Variants in KCNH8 observed in about 807,000 individuals in gnomAD.
The protein encoded by KCNH8 is voltage-gated delayed rectifier potassium channel KCNH8.
A neutral mutation model predicts 103.6 loss-of-function variants in KCNH8; 70 were observed. That is an observed-to-expected ratio of 0.68 (90% CI 0.56 to 0.82). KCNH8 has a LOEUF of 0.82. Among genes scored for constraint, KCNH8 ranks in the 40% least tolerant of loss-of-function variants. KCNH8 has a pLI of 0.00. For missense variants in KCNH8, 1,217 were observed against 1,329.9 expected (o/e 0.92, Z 1.32); for synonymous variants, 498 against 489.4 (o/e 1.02, Z -0.23).
intron 8 of KCNH8, among the ~76,000 whole-genome samples, chr3:19,440,448 T>C (rs773257031): frequency 3.3e-5 from 5 of 152,120 alleles, no homozygotes; most frequent in African/African-American, 4.8e-5. Context: ...CTCACAATAG[T>C]GGTGGAAGAC....
At chr3:19,502,925 A>G (rs2068617584) in intron 11 of KCNH8, among the ~76,000 whole-genome samples, 1 of 152,112 alleles carries the variant, frequency 6.6e-6, no homozygotes, top group Admixed American at 6.5e-5. Context: ...GAATTGACAA[A>G]TGGGATCTAA....
intron 3 of KCNH8, among the ~76,000 whole-genome samples, chr3:19,329,073 A>T (rs2065469448): frequency 6.6e-6 from 1 of 152,178 alleles, no homozygotes; most frequent in Admixed American, 6.6e-5. Flanking sequence ...CAAAAGCAGA[A>T]GTCAGATAAC....
intron 8 of KCNH8, among the ~76,000 whole-genome samples, chr3:19,440,012 GAA>G (rs938222458): frequency 2.6e-5 from 4 of 151,864 alleles, no homozygotes; most frequent in Non-Finnish European, 5.9e-5. Flanking sequence ...AAGAAAGAAA[GAA>G]AAAGAGTGAG....
chr3:19,521,588 T>TG (rs1373576252), intron 15 of KCNH8, among the ~76,000 whole-genome samples: 1 of 151,958 alleles, frequency 6.6e-6, no homozygotes, highest in African/African-American at 2.4e-5. Context: ...AGAGGATCAA[T>TG]GTTTTTAGAA....
Position 19,170,653 on chromosome 3 carries a change from CATATATACACACAT to C in KCNH8, c.76+21872_76+21885del, listed in dbSNP as rs1196906740. Among the ~76,000 whole-genome samples the C allele has an allele frequency of 2.1e-3, 288 of 137,972 alleles. 2 individuals carry two copies. Among genetic ancestry groups the C allele is most frequent in the Non-Finnish European group, 1.3e-3 (85 of 66,488 alleles). The allele number at this position is 137,972 out of a possible 152,430, so 90.5% of individuals were successfully genotyped here. On this transcript the variant is annotated intron_variant, in intron 1 of 15. Coordinates refer to ENST00000328405, the MANE Select transcript of KCNH8 (RefSeq NM_144633.3). ...ATATACACACATATATATACACACA[CATATATACACACAT>C]ATATATACACACACACATATATACA...
intron 11 of KCNH8, among the ~76,000 whole-genome samples, chr3:19,492,777 T>C (rs2068350781): frequency 6.6e-6 from 1 of 151,936 alleles, no homozygotes; most frequent in African/African-American, 2.4e-5. Flanking sequence ...TTGGCCAGCA[T>C]GGTCATTTTC....
At chr3:19,491,611 CTA>C (rs1364408022) in intron 11 of KCNH8, among the ~76,000 whole-genome samples, 2 of 152,204 alleles carry the variant, frequency 1.3e-5, no homozygotes, top group Non-Finnish European at 2.9e-5. Context: ...TATGCTGATT[CTA>C]TGTCTTTGCT....
intron 5 of KCNH8, among the ~76,000 whole-genome samples, chr3:19,388,789 A>C (rs536618391): frequency 2.1e-4 from 32 of 152,172 alleles, no homozygotes; most frequent in Admixed American, 1.3e-4. Flanking sequence ...CCTGAACTGG[A>C]ATTCAGGAGA....
At chr3:19,346,402 A>G (rs1319556497) in intron 4 of KCNH8, among the ~76,000 whole-genome samples, 3 of 152,086 alleles carry the variant, frequency 2.0e-5, no homozygotes, top group Non-Finnish European at 4.4e-5. Context: ...GCAGTGGCAA[A>G]TGGGCATTTA....
At chr3:19,486,853 G>T (rs996880362) in intron 11 of KCNH8, among the ~76,000 whole-genome samples, 2 of 152,298 alleles carry the variant, frequency 1.3e-5, no homozygotes, top group East Asian at 3.9e-4. Flanking sequence ...GGCTGCAGAT[G>T]ACCTGCTTTC....
intron 5 of KCNH8, among the ~76,000 whole-genome samples, chr3:19,351,350 G>A (rs2065799253): frequency 6.6e-6 from 1 of 152,040 alleles, no homozygotes; most frequent in Admixed American, 6.6e-5. Flanking sequence ...ACCTAGCAAG[G>A]CAGGCCAACA....
chr3:19,532,575 A>T (rs920656647), intron 15 of KCNH8, among the ~76,000 whole-genome samples: 1 of 152,202 alleles, frequency 6.6e-6, no homozygotes, highest in African/African-American at 2.4e-5. Context: ...TGTCTACTCC[A>T]AATAGGTAGT....
At chr3:19,247,495 C>T (rs1021358129) in intron 1 of KCNH8, among the ~76,000 whole-genome samples, 1 of 152,138 alleles carries the variant, frequency 6.6e-6, no homozygotes, top group Non-Finnish European at 1.5e-5. Context: ...AAAGGTAATT[C>T]TGAAAGCATA....
chr3:19,523,662 C>A (rs1260675053), intron 15 of KCNH8, among the ~76,000 whole-genome samples: 2 of 151,840 alleles, frequency 1.3e-5, no homozygotes, highest in African/African-American at 2.4e-5. Flanking sequence ...ATTTTATTAA[C>A]CAGAACTAAT....
chr3:19,458,031 T>C (rs993398146), intron 11 of KCNH8, among the ~76,000 whole-genome samples: 16 of 151,988 alleles, frequency 1.1e-4, no homozygotes, highest in African/African-American at 3.4e-4. Flanking sequence ...TCTACCTATG[T>C]AAAGCATCTC....
chr3:19,464,817 C>T (rs1033047101), intron 11 of KCNH8, among the ~76,000 whole-genome samples: 9 of 152,114 alleles, frequency 5.9e-5, no homozygotes, highest in African/African-American at 2.2e-4. Context: ...ACTTCTTGTA[C>T]ACCTCTTCCC....
At chr3:19,177,343 A>G (rs1001077193) in intron 1 of KCNH8, among the ~76,000 whole-genome samples, 1 of 152,112 alleles carries the variant, frequency 6.6e-6, no homozygotes, top group Non-Finnish European at 1.5e-5. Context: ...GTGGTTATAA[A>G]TGAGTTTTAA....
chr3:19,416,808 T>G (rs149821032), intron 7 of KCNH8, among the ~76,000 whole-genome samples: 1 of 152,286 alleles, frequency 6.6e-6, no homozygotes, highest in Admixed American at 6.5e-5. Flanking sequence ...TGCACATGGC[T>G]GAATTTTTAA....
At chr3:19,486,405 C>T (rs1024104086) in intron 11 of KCNH8, among the ~76,000 whole-genome samples, 2 of 152,154 alleles carry the variant, frequency 1.3e-5, no homozygotes, top group Non-Finnish European at 2.9e-5. Flanking sequence ...GCATGGGGGG[C>T]TTTTATATTC....
Sources: gnomAD v4.1 joint callset for allele counts (sites outside exome capture counted in the v4.1 genomes callset) on GRCh38, gnomAD v4.1.1 for gene constraint, MANE v1.5 for transcripts, NCBI Gene and HGNC (gene_info 2026-07-23, HGNC 2026-07-21) for gene names.